MCCC1: variants seen among roughly 807,000 people sequenced by gnomAD.
MCCC1 encodes the protein methylcrotonyl-CoA carboxylase subunit 1, also known as methylcrotonoyl-CoA carboxylase subunit alpha, mitochondrial.
Under a neutral mutation model 83.8 loss-of-function variants are expected in MCCC1, and 64 were observed. The observed-to-expected ratio is 0.76, with a 90% confidence interval of 0.62 to 0.94. The LOEUF (loss-of-function observed/expected upper bound fraction) is 0.94. Ranked by LOEUF, MCCC1 falls within the 40% of genes least tolerant of loss-of-function variation. MCCC1 has a pLI of 0.00. For synonymous variants in MCCC1, 322 were observed against 315.4 expected (o/e 1.02, Z -0.22); for missense variants, 807 against 904.7 (o/e 0.89, Z 1.39).
intron 7 of MCCC1, among the ~76,000 whole-genome samples, chr3:183,068,367 C>T (rs937225248): frequency 2.0e-5 from 3 of 152,194 alleles, no homozygotes; most frequent in African/African-American, 7.2e-5. Flanking sequence ...GACCTCTGGT[C>T]GTCTTCACTG....
intron 3 of MCCC1, among the ~76,000 whole-genome samples, chr3:183,091,419 A>G (rs1718324034): frequency 6.6e-6 from 1 of 152,126 alleles, no homozygotes; most frequent in African/African-American, 2.4e-5. Context: ...AATACAAAAA[A>G]GTAGCCAGGC....
upstream of MCCC1, chr3:183,099,531 GACCCCCGCCGGCC>G (rs1362010284): frequency 2.7e-6 from 4 of 1,476,928 alleles, no homozygotes; most frequent in African/African-American, 1.4e-5. Flanking sequence ...GAAGCCTCGT[GACCCCCGCCGGCC>G]ACCGTCGGAG....
chr3:183,101,549 G>A (rs566254510), upstream of MCCC1, among the ~76,000 whole-genome samples: 601 of 151,948 alleles, frequency 4.0e-3, 2 homozygotes, highest in African/African-American at 0.014. Flanking sequence ...TGATGGGGAC[G>A]TGGAGAACCT....
intron 14 of MCCC1, among the ~76,000 whole-genome samples, chr3:183,030,309 C>T (rs1712948250): frequency 1.3e-5 from 2 of 152,154 alleles, no homozygotes; most frequent in South Asian, 4.1e-4. Context: ...GACTCCGTCT[C>T]AAAACAAAAC....
At chr3:183,055,516 T>C (rs1553858846) in intron 8 of MCCC1, among the ~76,000 whole-genome samples, 1 of 152,246 alleles carries the variant, frequency 6.6e-6, no homozygotes, top group Admixed American at 6.5e-5. Context: ...CTAATTTCTA[T>C]GCATTGCAGA....
intron 3 of MCCC1, among the ~76,000 whole-genome samples, chr3:183,090,652 C>T (rs1163467071): frequency 2.0e-5 from 3 of 151,724 alleles, no homozygotes; most frequent in Non-Finnish European, 2.9e-5. Context: ...TGCAATGGCA[C>T]GATCTCAGCT....
intron 8 of MCCC1, among the ~76,000 whole-genome samples, chr3:183,055,681 A>T (rs1715366212): frequency 6.6e-6 from 1 of 152,104 alleles, no homozygotes; most frequent in Non-Finnish European, 1.5e-5. Context: ...GGATCACTTG[A>T]AGCCAGAAGT....
At chr3:183,045,020 A>C (rs554954867) in intron 10 of MCCC1, among the ~76,000 whole-genome samples, 1 of 151,794 alleles carries the variant, frequency 6.6e-6, no homozygotes, top group Non-Finnish European at 1.5e-5. Flanking sequence ...TGATGAACCC[A>C]TCACTCAAAC....
chr3:183,049,583 A>T (rs1397010244), intron 9 of MCCC1, among the ~76,000 whole-genome samples: 1 of 151,748 alleles, frequency 6.6e-6, no homozygotes. Flanking sequence ...AAAAAAAAAA[A>T]AGAAAAAAGA....
intron 1 of MCCC1, among the ~76,000 whole-genome samples, chr3:183,114,396 G>A (rs1367987603): frequency 6.6e-6 from 1 of 151,936 alleles, no homozygotes; most frequent in Non-Finnish European, 1.5e-5. Flanking sequence ...GGCTAATAAA[G>A]GACTTTTAAT....
chr3:183,087,160 C>T (rs1463771693), intron 3 of MCCC1, among the ~76,000 whole-genome samples: 1 of 152,096 alleles, frequency 6.6e-6, no homozygotes, highest in Non-Finnish European at 1.5e-5. Context: ...AAATATGTGA[C>T]AGATGTACAC....
intron 1 of MCCC1, among the ~76,000 whole-genome samples, chr3:183,095,080 G>A (rs957824490): frequency 6.6e-6 from 1 of 152,210 alleles, no homozygotes; most frequent in Non-Finnish European, 1.5e-5. Flanking sequence ...TCAGGAGATT[G>A]AGGCCATCCT....
At chr3:183,101,306 A>G (rs1719276096), upstream of MCCC1, among the ~76,000 whole-genome samples, 1 of 152,252 alleles carries the variant, frequency 6.6e-6, no homozygotes, top group Non-Finnish European at 1.5e-5. Context: ...CAGGACTGGC[A>G]GGCAGCTCCA....
chr3:183,052,809 CAAAAAAA>C (rs71185624), intron 8 of MCCC1, among the ~76,000 whole-genome samples: 1 of 66,626 alleles, frequency 1.5e-5, no homozygotes, highest in Admixed American at 2.6e-4. Flanking sequence ...GACTTTGTCT[CAAAAAAA>C]AAAAAAAAAA....
intron 4 of MCCC1, among the ~76,000 whole-genome samples, chr3:183,073,189 T>C (rs1483071654): frequency 6.6e-6 from 1 of 152,200 alleles, no homozygotes; most frequent in Non-Finnish European, 1.5e-5. Flanking sequence ...TCTAGCTGTA[T>C]ACCAAAAGTG....
rs537127364 is a variant in MCCC1 at position 183,107,383 on chromosome 3, G to A, written c.-102+8091C>T. Among the ~76,000 whole-genome samples the A allele has an allele frequency of 1.0e-4, 15 of 150,140 alleles. No homozygotes were observed. The East Asian group carries it at 2.9e-3, about 29-fold the overall frequency. ...AGATCGTGCCTTTGCACTCCAGCCTGGGCAACAAGAGCGAAACTCCATCTC... is the reference window on the plus strand; with the variant it reads ...AGATCGTGCCTTTGCACTCCAGCCTAGGCAACAAGAGCGAAACTCCATCTC... On this transcript the variant is annotated intron_variant, in intron 1 of 17. Transcript: ENST00000492597.
Position 183,079,756 on chromosome 3 carries a change from T to C in MCCC1, c.369+6937A>G, listed in dbSNP as rs960664491. 2.6e-5 allele frequency among the ~76,000 whole-genome samples: 4 copies of C among 152,244 alleles called. No homozygotes were observed. In the South Asian group the frequency reaches 6.2e-4, roughly 24 times the overall value. On this transcript the variant is annotated intron_variant, in intron 4 of 18. Transcript: ENST00000265594. ...TTCTGCACTGCCCTAGCAGAGGTTC[T>C]CCATGAGGGTTCCACCCCTGCAGCA...
At chr3:183,115,703 T>C (rs766831389) in exon 1 of MCCC1, 1 of 151,890 alleles carries the variant, frequency 6.6e-6, no homozygotes, top group Non-Finnish European at 1.5e-5. Context: ...AATACAAAAA[T>C]TAGCTGGGCA....
chr3:183,092,947 G>A (rs576021454), intron 2 of MCCC1, among the ~76,000 whole-genome samples: 23 of 152,154 alleles, frequency 1.5e-4, no homozygotes, highest in Non-Finnish European at 3.1e-4. Flanking sequence ...AGGTTGGAGT[G>A]CAATGGTGTG....
Sources: gnomAD v4.1 joint callset for allele counts (sites outside exome capture counted in the v4.1 genomes callset) on GRCh38, gnomAD v4.1.1 for gene constraint, MANE v1.5 for transcripts, NCBI Gene and HGNC (gene_info 2026-07-23, HGNC 2026-07-21) for gene names.